SEPTIN9: variants seen among roughly 807,000 people sequenced by gnomAD.
SEPTIN9 encodes the protein septin-9.
SEPTIN9 carries 13 observed loss-of-function variants against 56.6 expected under a neutral mutation model. The observed-to-expected ratio is 0.23, with a 90% CI of 0.15 to 0.37. The LOEUF is 0.37. SEPTIN9 is among the 10% of genes least tolerant of loss of function. SEPTIN9 has a pLI of 1.00. For missense variants in SEPTIN9, 650 were observed against 823.1 expected (o/e 0.79, Z 2.57); for synonymous variants, 332 against 334.1 (o/e 0.99, Z 0.07).
rs912274949 is a variant in SEPTIN9 at position 77,445,971 on chromosome 17, A to G, written c.722-36173A>G. On this transcript the variant is annotated intron_variant, in intron 3 of 11. Coordinates refer to ENST00000427177, the MANE Select transcript of SEPTIN9 (RefSeq NM_001113491.2). The surrounding 1 kb of genome is among the most constrained non-coding windows in gnomAD (Gnocchi z 4.7). Reference sequence around the variant, plus strand: ...TATCTCAAGAGCAGCAGCCTTGGAAAATCCAACACAGAACCCCGAGTAGGG... The same window carrying G: ...TATCTCAAGAGCAGCAGCCTTGGAAGATCCAACACAGAACCCCGAGTAGGG... 2.4e-5 allele frequency: 4 copies of G among 169,508 alleles called. No homozygotes were observed. Among genetic ancestry groups the G allele is most frequent in the Non-Finnish European group, 5.8e-5 (4 of 69,288 alleles). 10.5% of individuals were successfully genotyped at this position (169,508 alleles called of 1,614,324 possible).
chr17:77,403,700 T>G (rs1359761255), intron 3 of SEPTIN9, among the ~76,000 whole-genome samples: 1 of 152,244 alleles, frequency 6.6e-6, no homozygotes, highest in East Asian at 1.9e-4. Flanking sequence ...TCAGTAAGCC[T>G]TCTTTAGGTT....
At chr17:77,410,003 T>C (rs983590054) in intron 3 of SEPTIN9, among the ~76,000 whole-genome samples, 1 of 152,164 alleles carries the variant, frequency 6.6e-6, no homozygotes, top group African/African-American at 2.4e-5. Flanking sequence ...GCTTCCTCAG[T>C]TGGACTCCAC....
intron 1 of SEPTIN9, among the ~76,000 whole-genome samples, chr17:77,299,268 G>T (rs8069760): frequency 0.15 from 23,506 of 152,180 alleles, 2,002 homozygotes; most frequent in African/African-American, 0.21. Flanking sequence ...ATTTAAAAAA[G>T]CTGTCTCTGT....
rs935197143 is a variant in SEPTIN9 at position 77,405,428 on chromosome 17, T to A, written c.721+2725T>A. On this transcript the variant is annotated intron_variant, in intron 3 of 11. Coordinates refer to ENST00000427177, the MANE Select transcript of SEPTIN9 (RefSeq NM_001113491.2). The surrounding 1 kb of genome is among the most constrained non-coding windows in gnomAD (Gnocchi z 5.8). Reference sequence around the variant, plus strand: ...CAGAGCTGCCAGGAACCTGGCGCTCTGGGGGGACGGTGGCTTTCTCCATGG... The same window carrying A: ...CAGAGCTGCCAGGAACCTGGCGCTCAGGGGGGACGGTGGCTTTCTCCATGG... Among the ~76,000 whole-genome samples the A allele has an allele frequency of 6.6e-6, 1 of 152,150 alleles. No homozygotes were observed. The highest frequency in any genetic ancestry group is 1.5e-5 in the Non-Finnish European group (1 of 68,016).
intron 2 of SEPTIN9, among the ~76,000 whole-genome samples, chr17:77,324,905 G>A (rs144431156): frequency 6.4e-4 from 92 of 144,722 alleles, no homozygotes; most frequent in African/African-American, 2.2e-3. Flanking sequence ...TGCAACCTCC[G>A]CCTCCCTGGT....
chr17:77,386,658 A>G (rs1338390457), intron 2 of SEPTIN9, among the ~76,000 whole-genome samples: 1 of 152,070 alleles, frequency 6.6e-6, no homozygotes, highest in East Asian at 1.9e-4. Flanking sequence ...GGGAGGGGCT[A>G]GTTGTCTGTC....
chr17:77,482,130 T>C lies in SEPTIN9; in HGVS notation c.722-14T>C, dbSNP rs2039479721. On this transcript the variant is annotated splice_polypyrimidine_tract_variant and intron_variant, in intron 3 of 11. Coordinates refer to ENST00000427177, the MANE Select transcript of SEPTIN9 (RefSeq NM_001113491.2). ...CCCTGTTCCGCTCTAACTCCTCTGC[T>C]GTTCCTTCCCCAGCCACTGAGGCGG... is the stretch of plus-strand genomic sequence containing the variant. The C allele has an allele frequency of 1.3e-6, 2 of 1,552,686 alleles. No individual in the cohort carries two copies. The highest frequency in any genetic ancestry group is 1.2e-5 in the South Asian group (1 of 85,010).
At chr17:77,336,999 T>A (rs1052679151) in intron 2 of SEPTIN9, among the ~76,000 whole-genome samples, 1 of 22,178 alleles carries the variant, frequency 4.5e-5, no homozygotes, top group East Asian at 9.1e-4. Context: ...TTGCCCCCCG[T>A]TTTTTTTTTT....
At position 77,499,088 on chromosome 17, in the gene SEPTIN9, C is replaced by A; in HGVS notation, c.*430C>A. 1 of 536,370 alleles carries A rather than the reference C, an allele frequency of 1.9e-6. No homozygotes were observed. 33.2% of individuals were successfully genotyped at this position (536,370 alleles called of 1,614,324 possible). A position where few individuals can be genotyped will look rare whatever the true frequency, so the allele number is the denominator to read the frequency against. ...TCCCCTCCATCCCCATCGGCCCTGT[C>A]CCCTGGAGTGTGTCAGAGCCCAGGG... On this transcript the variant is annotated 3_prime_UTR_variant, in exon 12 of 12. Coordinates refer to ENST00000427177, the MANE Select transcript of SEPTIN9 (RefSeq NM_001113491.2).
chr17:77,325,192 C>T (rs1474849700), intron 2 of SEPTIN9, among the ~76,000 whole-genome samples: 4 of 152,146 alleles, frequency 2.6e-5, no homozygotes, highest in African/African-American at 4.8e-5. Flanking sequence ...GTGCTTTTGG[C>T]GCCATATCCA....
At chr17:77,303,145 G>A (rs2143575723) in intron 1 of SEPTIN9, among the ~76,000 whole-genome samples, 1 of 152,028 alleles carries the variant, frequency 6.6e-6, no homozygotes, top group East Asian at 2.0e-4. Flanking sequence ...CTGTCGCCCA[G>A]GCTGGAGTGC....
rs1229623116 is a variant in SEPTIN9, at chr17:77,449,611, T to A, written c.722-32533T>A. Among the ~76,000 whole-genome samples the A allele has an allele frequency of 6.6e-6, 1 of 152,108 alleles. No individual in the cohort carries two copies. The highest frequency in any genetic ancestry group is 2.4e-5 in the African/African-American group (1 of 41,418). ...GGGCAGGGGCGTGGTGGGAGCTGCA[T>A]CCTCGAGGCTTTCTGTTGACCCTGA... On this transcript the variant is annotated intron_variant, in intron 3 of 11. Transcript: ENST00000427177. This position sits in a 1 kb window ranked among gnomAD's most constrained non-coding sequence, Gnocchi z 4.6.
intron 2 of SEPTIN9, among the ~76,000 whole-genome samples, chr17:77,351,741 G>A (rs1404123916): frequency 6.6e-6 from 1 of 152,242 alleles, no homozygotes; most frequent in African/African-American, 2.4e-5. Flanking sequence ...GATGAAGTCA[G>A]CTGGGAAATC....
At position 77,330,499 on chromosome 17, in the gene SEPTIN9, G is replaced by A. The variant is rs911435214; in HGVS notation, c.76+23302G>A. 1.3e-5 allele frequency among the ~76,000 whole-genome samples: 2 copies of A among 152,172 alleles called. No individual in the cohort carries two copies. The highest frequency in any genetic ancestry group is 4.8e-5 in the African/African-American group (2 of 41,440). On this transcript the variant is annotated intron_variant, in intron 2 of 11. Transcript: ENST00000427177. The surrounding 1 kb of genome is among the most constrained non-coding windows in gnomAD (Gnocchi z 4.4). ...ATGGCGTGGACTCAGCCAGGCTCTC[G>A]GGCAGCCTTTCCTGGATTCTTCCTC...
Position 77,475,555 on chromosome 17 carries a change from G to A in SEPTIN9, c.722-6589G>A, listed in dbSNP as rs202206729. The A allele has an allele frequency of 5.5e-5, 89 of 1,613,026 alleles. No individual in the cohort carries two copies. The highest frequency in any genetic ancestry group is 9.3e-5 in the African/African-American group (7 of 74,944). On this transcript the variant is annotated intron_variant, in intron 3 of 11. Coordinates refer to ENST00000427177, the MANE Select transcript of SEPTIN9 (RefSeq NM_001113491.2). This position sits in a 1 kb window ranked among gnomAD's most constrained non-coding sequence, Gnocchi z 4.6. ...TTTCTGGGAAGGCCTGCAGGTGGCC[G>A]TAGGGCTGCCGCAGGGGTGCTGGCC...
intron 6 of SEPTIN9, 125 bp from the exon 7 acceptor site, chr17:77,488,602 C>T: frequency 1.4e-6 from 2 of 1,379,482 alleles, no homozygotes; most frequent in Admixed American, 1.8e-5. Flanking sequence ...GCTCAGCAAG[C>T]CAGACCTCCC....
At chr17:77,418,251 G>T (rs774014012) in intron 3 of SEPTIN9, among the ~76,000 whole-genome samples, 1 of 152,176 alleles carries the variant, frequency 6.6e-6, no homozygotes, top group East Asian at 1.9e-4. Flanking sequence ...TGAAGCTCAG[G>T]CTGGGCCAGT....
intron 3 of SEPTIN9, among the ~76,000 whole-genome samples, chr17:77,406,793 C>G (rs2036096921): frequency 2.0e-5 from 3 of 152,124 alleles, no homozygotes; most frequent in African/African-American, 7.2e-5. Context: ...GCCTCAGCCT[C>G]CCGAGTAGCT....
intron 8 of SEPTIN9, among the ~76,000 whole-genome samples, chr17:77,491,803 C>T (rs962547647): frequency 1.2e-5 from 1 of 85,582 alleles, no homozygotes; most frequent in Non-Finnish European, 2.1e-5. Flanking sequence ...GAGACTCCAT[C>T]TCAAAAAAAA....
Sources: gnomAD v4.1 joint callset for allele counts (sites outside exome capture counted in the v4.1 genomes callset) on GRCh38, gnomAD v4.1.1 for gene constraint, Gnocchi (gnomAD v3.1) non-coding constraint, MANE v1.5 for transcripts, NCBI Gene and HGNC (gene_info 2026-07-23, HGNC 2026-07-21) for gene names.